The following COL19A1 variants were observed in gnomAD, a reference collection of about 807,000 sequenced individuals.
The protein encoded by COL19A1 is collagen alpha-1(XIX) chain.
In COL19A1, 159 loss-of-function variants were observed where a neutral mutation model predicts 190.2. The observed-to-expected ratio is 0.84, with a 90% CI of 0.73 to 0.95. COL19A1 has a LOEUF of 0.95. Among genes scored for constraint, COL19A1 ranks in the 40% least tolerant of loss-of-function variants. COL19A1 has a pLI of 0.00. For missense variants in COL19A1, 1,418 were observed against 1,431.9 expected (o/e 0.99, Z 0.16); for synonymous variants, 509 against 458.9 (o/e 1.11, Z -1.39).
At chr6:70,008,732 T>C (rs1777791833) in intron 11 of COL19A1, among the ~76,000 whole-genome samples, 1 of 151,844 alleles carries the variant, frequency 6.6e-6, no homozygotes, top group Non-Finnish European at 1.5e-5. Context: ...CTCAGAAAAG[T>C]CCATAGGCCA....
intron 15 of COL19A1, among the ~76,000 whole-genome samples, chr6:70,092,417 G>C (rs1250538423): frequency 6.6e-6 from 1 of 152,090 alleles, no homozygotes. Flanking sequence ...GCAAGCTCTA[G>C]GTCTTAATCA....
At chr6:70,071,140 T>C (rs1582838089) in intron 15 of COL19A1, among the ~76,000 whole-genome samples, 3 of 152,238 alleles carry the variant, frequency 2.0e-5, no homozygotes, top group East Asian at 3.9e-4. Flanking sequence ...CTCACAATTA[T>C]GGTGAGTTTC....
intron 14 of COL19A1, among the ~76,000 whole-genome samples, chr6:70,064,047 T>G (rs1310440596): frequency 6.6e-6 from 1 of 152,036 alleles, no homozygotes; most frequent in Non-Finnish European, 1.5e-5. Flanking sequence ...CTACCAGAGG[T>G]ACAAGGAGGA....
intron 49 of COL19A1, among the ~76,000 whole-genome samples, chr6:70,204,053 G>T (rs1002962173): frequency 1.3e-5 from 2 of 152,212 alleles, no homozygotes; most frequent in South Asian, 2.1e-4. Context: ...TAGAGATAGG[G>T]TTTCACCATG....
chr6:70,037,259 G>A (rs192311497), intron 14 of COL19A1, among the ~76,000 whole-genome samples: 373 of 152,064 alleles, frequency 2.5e-3, no homozygotes, highest in African/African-American at 8.6e-3. Context: ...GGGTTCAAGC[G>A]ATTCTCCTGC....
At chr6:70,100,295 T>C (rs1783544182) in intron 15 of COL19A1, among the ~76,000 whole-genome samples, 1 of 152,174 alleles carries the variant, frequency 6.6e-6, no homozygotes, top group Non-Finnish European at 1.5e-5. Context: ...CATTGATTAG[T>C]CCTCAGAGGC....
At chr6:70,004,845 T>TC (rs1204905861) in intron 11 of COL19A1, among the ~76,000 whole-genome samples, 1 of 151,964 alleles carries the variant, frequency 6.6e-6, no homozygotes, top group African/African-American at 2.4e-5. Flanking sequence ...TTTTTTTTTT[T>TC]TTTTGACGGA....
chr6:70,090,538 C>T (rs1782852216), intron 15 of COL19A1, among the ~76,000 whole-genome samples: 1 of 152,040 alleles, frequency 6.6e-6, no homozygotes, highest in Non-Finnish European at 1.5e-5. Context: ...TGGAACAAAT[C>T]TCCCACAGAT....
chr6:70,190,275 C>G (rs757071697), intron 47 of COL19A1, 40 bp from the exon 48 acceptor site: 1 of 1,422,908 alleles, frequency 7.0e-7, no homozygotes. Context: ...TTCATTTGTG[C>G]TATGCTCTAT....
chr6:70,130,053 C>A, intron 17 of COL19A1, 129 bp from the exon 18 acceptor site: 1 of 824,024 alleles, frequency 1.2e-6, no homozygotes. Context: ...AAGATGTCTG[C>A]ACAAATGACC....
chr6:70,049,152 T>C (rs2150130472), intron 14 of COL19A1, among the ~76,000 whole-genome samples: 1 of 152,122 alleles, frequency 6.6e-6, no homozygotes, highest in East Asian at 1.9e-4. Flanking sequence ...GTTGCCTAAA[T>C]TTGAATCAAC....
rs62421668 is a variant in COL19A1 at position 70,168,264 on chromosome 6, A to G, written c.2541+49A>G. The G allele has an allele frequency of 0.25, 391,223 of 1,578,100 alleles. 50,049 individuals are homozygous for G. Among genetic ancestry groups the G allele is most frequent in the South Asian group, 0.27 (22,706 of 85,066 alleles). On this transcript the variant is annotated intron_variant, in intron 39 of 50. Coordinates refer to ENST00000620364, the MANE Select transcript of COL19A1 (RefSeq NM_001858.6). The stretch of plus-strand genomic sequence containing the variant: ...AACACACTTTAGCTGAACAACCACA[A>G]TGAAAAACAAACAATAAAAACCTCT...
At chr6:70,008,340 T>G (rs1314391363) in intron 11 of COL19A1, among the ~76,000 whole-genome samples, 1 of 151,498 alleles carries the variant, frequency 6.6e-6, no homozygotes. Context: ...TACCAGTAAC[T>G]ACAATGAGGG....
intron 1 of COL19A1, among the ~76,000 whole-genome samples, chr6:69,871,467 GTTCT>G (rs1210474235): frequency 2.0e-5 from 3 of 152,156 alleles, no homozygotes; most frequent in Admixed American, 2.0e-4. Flanking sequence ...GAAAACATGA[GTTCT>G]TTGAGTCATT....
At chr6:69,909,187 A>G (rs2149984328) in intron 4 of COL19A1, among the ~76,000 whole-genome samples, 1 of 152,262 alleles carries the variant, frequency 6.6e-6, no homozygotes, top group Non-Finnish European at 1.5e-5. Context: ...AAATGTACAT[A>G]AACTTTCTAA....
chr6:69,946,739 G>C (rs2150030596), intron 9 of COL19A1, among the ~76,000 whole-genome samples: 1 of 151,912 alleles, frequency 6.6e-6, no homozygotes, highest in Admixed American at 6.6e-5. Flanking sequence ...AGGTGAATTT[G>C]GTGCTCCTGG....
intron 14 of COL19A1, 106 bp downstream of exon 14, chr6:70,036,045 G>A (rs918496469): frequency 9.3e-7 from 1 of 1,079,142 alleles, no homozygotes; most frequent in African/African-American, 1.6e-5. Flanking sequence ...GTTAAGAATT[G>A]AAGGTGACTT....
chr6:69,877,506 C>T (rs900936007), intron 1 of COL19A1, among the ~76,000 whole-genome samples: 5 of 152,186 alleles, frequency 3.3e-5, no homozygotes, highest in South Asian at 4.1e-4. Flanking sequence ...GATTACTTTT[C>T]ACATGTGCAG....
chr6:70,023,367 C>T (rs918197239), intron 11 of COL19A1, among the ~76,000 whole-genome samples: 1 of 152,088 alleles, frequency 6.6e-6, no homozygotes, highest in African/African-American at 2.4e-5. Context: ...AAATCCTGAC[C>T]TCAACTGATC....
Sources: allele counts gnomAD v4.1 joint callset (sites outside exome capture counted in the v4.1 genomes callset), GRCh38; gene constraint gnomAD v4.1.1; transcripts MANE v1.5; gene names NCBI Gene and HGNC (gene_info 2026-07-23, HGNC 2026-07-21).